DTX1: variants seen among roughly 807,000 people sequenced by gnomAD.
DTX1 encodes the protein deltex E3 ubiquitin ligase 1, also known as E3 ubiquitin-protein ligase DTX1.
A neutral mutation model predicts 57.8 loss-of-function variants in DTX1; 26 were observed. The observed-to-expected ratio is 0.45, with a 90% CI of 0.33 to 0.62. The LOEUF is 0.62. Among genes scored for constraint, DTX1 ranks in the 20% least tolerant of loss-of-function variants. The probability of loss-of-function intolerance (pLI) is 0.02; values close to 1 mark genes in which losing one functional copy is unlikely to be tolerated. For missense variants in DTX1, 704 were observed against 895.3 expected (o/e 0.79, Z 2.73); for synonymous variants, 398 against 394.1 (o/e 1.01, Z -0.12).
chr12:113,093,992 G>T lies in DTX1; in HGVS notation c.1166-46G>T, dbSNP rs751067725. 1 of 1,558,970 alleles carries T rather than the reference G, an allele frequency of 6.4e-7. No homozygotes were observed. The highest frequency in any genetic ancestry group is 8.7e-7 in the Non-Finnish European group (1 of 1,150,044). On this transcript the variant is annotated intron_variant, in intron 5 of 9. Transcript: ENST00000548759. This position sits in a 1 kb window ranked among gnomAD's most constrained non-coding sequence, Gnocchi z 4.2. Reference sequence around the variant, plus strand: ...CCCAGTTCTGAGCCAAGCCTTCGGGGACAGACTCTGGGTACCCTCAAACCC... The same window carrying T: ...CCCAGTTCTGAGCCAAGCCTTCGGGTACAGACTCTGGGTACCCTCAAACCC...
At position 113,093,664 on chromosome 12, in the gene DTX1, G is replaced by C; in HGVS notation, c.1129G>C (p.Val377Leu). ...GAAGCCCGTGCCTGGCGTGCCCGGGGTGTGCCGCAAGACCAAGAAGAAGCA... is the reference window on the plus strand; with the variant it reads ...GAAGCCCGTGCCTGGCGTGCCCGGGCTGTGCCGCAAGACCAAGAAGAAGCA... Reference protein sequence around the residue: ...DVKPVPGVPGVCRKTKKKHLK... With the variant: ...DVKPVPGVPGLCRKTKKKHLK... Residue 377 changes from valine (V) to leucine (L), a missense_variant, in exon 5 of 10, where the codon GTG becomes CTG. Around this residue, in one of 3 missense-constraint regions of DTX1, gnomAD observed 299 missense variants for 311.2 expected, o/e 0.96. Coordinates refer to ENST00000548759, the MANE Select transcript of DTX1 (RefSeq NM_004416.3). The surrounding 1 kb of genome is among the most constrained non-coding windows in gnomAD (Gnocchi z 4.2). 2 of 1,613,802 alleles carry C rather than the reference G, an allele frequency of 1.2e-6. No homozygotes were observed. Among genetic ancestry groups the C allele is most frequent in the Non-Finnish European group, 1.7e-6 (2 of 1,179,948 alleles).
intron 3 of DTX1, among the ~76,000 whole-genome samples, chr12:113,082,846 C>T (rs1222857589): frequency 6.6e-6 from 1 of 152,228 alleles, no homozygotes; most frequent in Non-Finnish European, 1.5e-5. Context: ...ATCCGCCTGC[C>T]TCAGCCTCCA....
Position 113,095,707 on chromosome 12 carries a change from G to T in DTX1, c.1638+293G>T, listed in dbSNP as rs1454177426. ...ACTAAGTGGCGGAGCTGGGATTTGAGCCCAGGCAGTCCAAGCTGTCACCAC... is the reference window on the plus strand; with the variant it reads ...ACTAAGTGGCGGAGCTGGGATTTGATCCCAGGCAGTCCAAGCTGTCACCAC... On this transcript the variant is annotated intron_variant, in intron 9 of 9. Coordinates refer to ENST00000548759, the MANE Select transcript of DTX1 (RefSeq NM_004416.3). 4 of 420,158 alleles carry T rather than the reference G, an allele frequency of 9.5e-6. No homozygotes were observed. The East Asian group carries it at 1.6e-4, about 17-fold the overall frequency. The allele number at this position is 420,158 out of a possible 1,614,324, so 26.0% of individuals were successfully genotyped here.
chr12:113,093,770 T>C lies in DTX1; in HGVS notation c.1165+70T>C. 1 of 1,585,312 alleles carries C rather than the reference T, an allele frequency of 6.3e-7. No individual in the cohort carries two copies. ...GCCTTGACCACAACTCTGTGACCCC[T>C]GGTCTCCAACTTATTCTTAGCATTT... On this transcript the variant is annotated intron_variant, in intron 5 of 9. Transcript: ENST00000548759. This position sits in a 1 kb window ranked among gnomAD's most constrained non-coding sequence, Gnocchi z 4.2.
At chr12:113,095,435 G>A (rs764049667) in intron 9 of DTX1, 21 bp downstream of exon 9, 1 of 1,614,006 alleles carries the variant, frequency 6.2e-7, no homozygotes, top group Non-Finnish European at 8.5e-7. Context: ...AGCCGTGAGG[G>A]CATGGGAGAT....
intron 2 of DTX1, among the ~76,000 whole-genome samples, chr12:113,073,635 T>G (rs1002746913): frequency 1.3e-5 from 2 of 152,210 alleles, no homozygotes; most frequent in African/African-American, 4.8e-5. Flanking sequence ...AAGGCTAGTC[T>G]GTAGCCCTTG....
intron 2 of DTX1, among the ~76,000 whole-genome samples, chr12:113,072,233 G>A (rs186393191): frequency 3.9e-4 from 59 of 152,316 alleles, no homozygotes; most frequent in Non-Finnish European, 6.8e-4. Flanking sequence ...TTTGTGCCTG[G>A]TGCTCCAAAC....
At position 113,077,558 on chromosome 12, in the gene DTX1, G is replaced by A. The variant is rs2044781839; in HGVS notation, c.394G>A (p.Ala132Thr). 1 of 1,613,720 alleles carries A rather than the reference G, an allele frequency of 6.2e-7. No homozygotes were observed. Among genetic ancestry groups the A allele is most frequent in the African/African-American group, 1.3e-5 (1 of 74,886 alleles). ...GGACATCTGCATCACCATCCAGAAC[G>A]CCTACGAGAAGCAGCACCCGTGGCT... ...DMDICITIQNAYEKQHPWLDL... is the reference protein window; with the variant it reads ...DMDICITIQNTYEKQHPWLDL... Residue 132 changes from alanine to threonine, a missense_variant, in exon 3 of 10, where the codon GCC becomes ACC. Transcript: ENST00000548759. The surrounding 1 kb of genome is among the most constrained non-coding windows in gnomAD (Gnocchi z 7.8).
chr12:113,096,736 G>A lies in DTX1; in HGVS notation c.1660G>A (p.Ala554Thr). The A allele has an allele frequency of 6.2e-7, 1 of 1,613,074 alleles. No individual in the cohort carries two copies. The highest frequency in any genetic ancestry group is 8.5e-7 in the Non-Finnish European group (1 of 1,179,888). Residue 554 changes from alanine (A) to threonine (T), a missense_variant, in exon 10 of 10, where the codon GCC (alanine) becomes ACC (threonine). Ala to Thr is a moderately conservative substitution (Grantham distance 58). Transcript: ENST00000548759. The part of the protein sequence containing the change: ...GRKVLRLLIT[A>T]WERRLIFTIG... ...CCAGGTGCTGCGGCTGCTCATCACGGCCTGGGAGAGAAGACTCATCTTCAC... is the reference window on the plus strand; with the variant it reads ...CCAGGTGCTGCGGCTGCTCATCACGACCTGGGAGAGAAGACTCATCTTCAC...
At chr12:113,082,006 T>C (rs1306048593) in intron 3 of DTX1, among the ~76,000 whole-genome samples, 1 of 151,980 alleles carries the variant, frequency 6.6e-6, no homozygotes, top group African/African-American at 2.4e-5. Context: ...AAGGAAGTTT[T>C]CTCTTTGGGG....
intron 2 of DTX1, among the ~76,000 whole-genome samples, chr12:113,064,217 T>C (rs1367905280): frequency 6.6e-6 from 1 of 152,080 alleles, no homozygotes; most frequent in African/African-American, 2.4e-5. Context: ...CAAGAAAGAC[T>C]ATGTGTAGGG....
chr12:113,067,602 T>C (rs1016996693), intron 2 of DTX1, among the ~76,000 whole-genome samples: 3 of 152,202 alleles, frequency 2.0e-5, no homozygotes, highest in African/African-American at 7.2e-5. Flanking sequence ...AGGTGCTCAA[T>C]AAATACTTGA....
intron 2 of DTX1, among the ~76,000 whole-genome samples, chr12:113,059,940 A>G (rs1447712918): frequency 7.0e-6 from 1 of 142,338 alleles, no homozygotes; most frequent in Admixed American, 6.9e-5. Context: ...GATCCAGAAC[A>G]TTGCATTGTT....
intron 3 of DTX1, among the ~76,000 whole-genome samples, chr12:113,086,754 G>A (rs2044860987): frequency 6.6e-6 from 1 of 151,888 alleles, no homozygotes; most frequent in Non-Finnish European, 1.5e-5. Flanking sequence ...CATTTCAGGG[G>A]TTTGAAAATG....
intron 2 of DTX1, among the ~76,000 whole-genome samples, chr12:113,073,655 CAGAGG>C (rs1287941584): frequency 6.6e-6 from 1 of 152,210 alleles, no homozygotes; most frequent in Admixed American, 6.5e-5. Flanking sequence ...GTGATTCTAA[CAGAGG>C]AGAGGGCAGA....
chr12:113,073,719 C>G (rs2136056951), intron 2 of DTX1, among the ~76,000 whole-genome samples: 1 of 152,298 alleles, frequency 6.6e-6, no homozygotes, highest in East Asian at 1.9e-4. Flanking sequence ...GTGGAACAGT[C>G]TGAGTTCCCC....
At chr12:113,067,564 T>C (rs1208281432) in intron 2 of DTX1, among the ~76,000 whole-genome samples, 1 of 152,230 alleles carries the variant, frequency 6.6e-6, no homozygotes, top group Non-Finnish European at 1.5e-5. Context: ...TTTTTAACTG[T>C]CTTGCTCTCC....
At chr12:113,087,526 C>T (rs1339637696) in intron 3 of DTX1, among the ~76,000 whole-genome samples, 2 of 152,048 alleles carry the variant, frequency 1.3e-5, no homozygotes, top group East Asian at 3.9e-4. Flanking sequence ...AGCTATGAGG[C>T]AGAGACAGCC....
rs34399361 is a variant in DTX1 at position 113,057,886 on chromosome 12, C to G, written c.-307C>G. The G allele has an allele frequency of 1.0e-5, 4 of 386,240 alleles. No individual in the cohort carries two copies. Among genetic ancestry groups the G allele is most frequent in the Non-Finnish European group, 1.4e-5 (3 of 215,320 alleles). The allele number at this position is 386,240 out of a possible 1,614,324, so 23.9% of individuals were successfully genotyped here. On this transcript the variant is annotated 5_prime_UTR_variant, in exon 2 of 10. Transcript: ENST00000548759. ...CAGGGGCGGCTGCCTCACTCCCTAC[C>G]TGAGCCAGCCGAGGGGGCCAAGGAC...
Sources: allele counts gnomAD v4.1 joint callset (sites outside exome capture counted in the v4.1 genomes callset), GRCh38; gene constraint gnomAD v4.1.1; regional missense constraint gnomAD v4.1.1; non-coding constraint Gnocchi (gnomAD v3.1); transcripts MANE v1.5; gene names NCBI Gene and HGNC (gene_info 2026-07-23, HGNC 2026-07-21).